The following OGT variants were observed in gnomAD, a reference collection of about 807,000 sequenced individuals.
The protein encoded by OGT is UDP-N-acetylglucosamine--peptide N-acetylglucosaminyltransferase 110 kDa subunit.
OGT carries 3 observed loss-of-function variants against 75.8 expected under a neutral mutation model. The ratio of observed to expected loss-of-function variants is 0.04; its 90% confidence interval spans 0.02 to 0.10. The LOEUF is 0.10. OGT is among the 10% of genes least tolerant of loss of function. OGT has a pLI of 1.00. For synonymous variants in OGT, 257 were observed against 289.7 expected, an observed-to-expected ratio of 0.89 and a Z score of 1.15; for missense variants, 260 against 824.4, an observed-to-expected ratio of 0.32 and a Z score of 8.38.
rs1167794721 is a variant in OGT at position 71,537,935 on chromosome X, A to G, written c.325A>G (p.Ile109Val). ...YKERGQLQEA[I>V]EHYRHALRLK... The stretch of plus-strand genomic sequence containing the variant: ...GGAAAGAGGGCAGTTGCAGGAGGCA[A>G]TTGAGCATTATCGACATGCATTGCG... Residue 109 changes from isoleucine to valine, a missense_variant, in exon 3 of 22, where the codon ATT becomes GTT. Coordinates refer to ENST00000373719, the MANE Select transcript of OGT (RefSeq NM_181672.3). The G allele has an allele frequency of 3.3e-6, 4 of 1,211,903 alleles. No homozygotes were observed. Among genetic ancestry groups the G allele is most frequent in the Non-Finnish European group, 4.5e-6 (4 of 895,525 alleles).
rs1241609864 is a variant in OGT at position 71,561,356 on chromosome X, C to T, written c.1852-419C>T. Among the ~76,000 whole-genome samples the T allele has an allele frequency of 6.4e-5, 7 of 109,826 alleles. No homozygotes were observed. The Admixed American group carries it at 6.9e-4, about 11-fold the overall frequency. Reference sequence around the variant, plus strand: ...TCTTTGAAGACCTATTTTCAAATACCAATTCTAGGCTGGGTGCTGTGGCTC... The same window carrying T: ...TCTTTGAAGACCTATTTTCAAATACTAATTCTAGGCTGGGTGCTGTGGCTC... On this transcript the variant is annotated intron_variant, in intron 14 of 21. Coordinates refer to ENST00000373719, the MANE Select transcript of OGT (RefSeq NM_181672.3).
chrX:71,537,342 C>A (rs2040185729), intron 2 of OGT, among the ~76,000 whole-genome samples: 1 of 109,933 alleles, frequency 9.1e-6, no homozygotes, highest in Admixed American at 9.7e-5. Context: ...GCTCTTGTCA[C>A]CCAGGCTGGA....
intron 1 of OGT, among the ~76,000 whole-genome samples, chrX:71,533,972 G>A (rs755039661): frequency 1.8e-5 from 2 of 111,562 alleles, no homozygotes; most frequent in Non-Finnish European, 3.8e-5. Context: ...TCCCGGTTTA[G>A]ATTGGAAATT....
chrX:71,568,502 T>C (rs931797112), intron 21 of OGT, among the ~76,000 whole-genome samples: 1 of 111,960 alleles, frequency 8.9e-6, no homozygotes, highest in Non-Finnish European at 1.9e-5. Context: ...AACAAGAAAG[T>C]GTTTCAGGCT....
intron 5 of OGT, among the ~76,000 whole-genome samples, chrX:71,552,818 T>G (rs781772013): frequency 1.5e-4 from 17 of 110,100 alleles, no homozygotes; most frequent in African/African-American, 5.0e-4. Flanking sequence ...TATTTTTGAA[T>G]GGAATATGTC....
chrX:71,536,480 C>T, intron 2 of OGT, 122 bp downstream of exon 2: 1 of 507,322 alleles, frequency 2.0e-6, no homozygotes, highest in Non-Finnish European at 3.0e-6. Flanking sequence ...GCCGCCAACG[C>T]ACATCTGCTC....
chrX:71,549,922 T>C (rs1366958295), intron 5 of OGT, among the ~76,000 whole-genome samples: 3 of 112,005 alleles, frequency 2.7e-5, no homozygotes, highest in African/African-American at 9.7e-5. Flanking sequence ...GACATATTAC[T>C]TTGCATCAAA....
intron 4 of OGT, chrX:71,547,165 G>A (rs1022037019): frequency 1.9e-5 from 14 of 753,038 alleles, no homozygotes; most frequent in Non-Finnish European, 2.2e-5. Flanking sequence ...GTCCTCCTTG[G>A]GAGACGGGGC....
chrX:71,543,248 CTT>C (rs766246608), intron 3 of OGT, among the ~76,000 whole-genome samples: 38 of 111,935 alleles, frequency 3.4e-4, no homozygotes, highest in African/African-American at 1.2e-3. Flanking sequence ...ACTTAAGTCT[CTT>C]TCACCCATGG....
chrX:71,547,458 C>G, intron 4 of OGT: 2 of 746,690 alleles, frequency 2.7e-6, no homozygotes, highest in Non-Finnish European at 3.2e-6. Context: ...TTTTTTTCAG[C>G]CATACCTCTT....
intron 5 of OGT, among the ~76,000 whole-genome samples, chrX:71,550,862 T>A: frequency 9.4e-6 from 1 of 106,192 alleles, no homozygotes; most frequent in African/African-American, 3.5e-5. Context: ...GTTGATTTCA[T>A]AGAAACAGAG....
At chrX:71,543,758 GTGTGTGTGTATATATATATA>G (rs1212164104) in intron 3 of OGT, among the ~76,000 whole-genome samples, 1 of 63,360 alleles carries the variant, frequency 1.6e-5, no homozygotes, top group African/African-American at 1.2e-4. Context: ...GTGTGTGTGT[GTGTGTGTGTATATATATATA>G]TATATATATA....
intron 1 of OGT, among the ~76,000 whole-genome samples, chrX:71,535,382 A>G (rs1400837994): frequency 8.9e-6 from 1 of 111,892 alleles, no homozygotes. Context: ...GGAAAATGTT[A>G]GTGCTAAACC....
chrX:71,556,130 ATAG>A (rs761750856), intron 8 of OGT, 36 bp downstream of exon 8: 1 of 1,184,374 alleles, frequency 8.4e-7, no homozygotes, highest in Non-Finnish European at 1.1e-6. Context: ...ATTTAGCATG[ATAG>A]TAGAGGGAAA....
Position 71,567,603 on chromosome X carries a change from A to T in OGT, c.2693A>T (p.Asn898Ile). Residue 898 changes from asparagine to isoleucine, a missense_variant, in exon 20 of 22, where the codon AAC becomes ATC. This residue lies in a region of OGT where 79 missense variants were observed against 141.0 expected (regional missense o/e 0.56). Transcript: ENST00000373719. ...GCACAAAACATGGGCCTGCCCCAGA[A>T]CCGTATCATTTTTTCACCTGTTGCT... ...QYAQNMGLPQ[N>I]RIIFSPVAPK... 8.3e-7 allele frequency: 1 copy of T among 1,211,378 alleles called. No individual in the cohort carries two copies. Among genetic ancestry groups the T allele is most frequent in the Non-Finnish European group, 1.1e-6 (1 of 895,054 alleles).
chrX:71,571,304 G>C (rs746348274), intron 21 of OGT, among the ~76,000 whole-genome samples: 1 of 111,748 alleles, frequency 8.9e-6, no homozygotes, highest in South Asian at 3.7e-4. Context: ...TTATTCATCT[G>C]CCAATCCATC....
intron 2 of OGT, chrX:71,536,612 A>G: frequency 3.6e-6 from 1 of 273,983 alleles, no homozygotes; most frequent in Non-Finnish European, 6.4e-6. Context: ...GCTGCTTTCT[A>G]GACTCTGTTC....
At position 71,559,617 on chromosome X, in the gene OGT, T is replaced by C; in HGVS notation, c.1791T>C (p.Asp597=). The change falls in exon 14 of 22, where the codon GAT becomes GAC. Residue 597 remains aspartate, a synonymous_variant. Coordinates refer to ENST00000373719, the MANE Select transcript of OGT (RefSeq NM_181672.3). ...TCTGTTATGCCCTGAGCCCAGACGA[T>C]GGCACAAACTTCCGAGTGAAGGTGA... ...EVFCYALSPD[D]GTNFRVKVMA... The C allele has an allele frequency of 9.1e-6, 11 of 1,211,321 alleles. No homozygotes were observed. Among genetic ancestry groups the C allele is most frequent in the Non-Finnish European group, 1.2e-5 (11 of 894,906 alleles).
chrX:71,555,094 A>T (rs1468476525), intron 6 of OGT, 96 bp from the exon 7 acceptor site: 4 of 602,763 alleles, frequency 6.6e-6, no homozygotes, highest in African/African-American at 4.7e-5. Flanking sequence ...TACAGCTTGA[A>T]TGAGTTGTAA....
Sources: gnomAD v4.1 joint callset for allele counts (sites outside exome capture counted in the v4.1 genomes callset) on GRCh38, gnomAD v4.1.1 for gene constraint, gnomAD v4.1.1 regional missense constraint, MANE v1.5 for transcripts, NCBI Gene and HGNC (gene_info 2026-07-23, HGNC 2026-07-21) for gene names.